PALS2: variants seen among roughly 807,000 people sequenced by gnomAD.
The protein encoded by PALS2 is protein PALS2.
A neutral mutation model predicts 61.6 loss-of-function variants in PALS2; 27 were observed. The ratio of observed to expected loss-of-function variants is 0.44; its 90% CI spans 0.32 to 0.60. PALS2 has a LOEUF of 0.60. PALS2 is among the 20% of genes least tolerant of loss of function. PALS2 has a pLI of 0.05. For synonymous variants in PALS2, 236 were observed against 218.6 expected, an observed-to-expected ratio of 1.08 and a Z score of -0.70; for missense variants, 554 against 639.4, an observed-to-expected ratio of 0.87 and a Z score of 1.44.
chr7:24,670,528 G>T (rs571129693), intron 9 of PALS2, among the ~76,000 whole-genome samples: 2 of 152,132 alleles, frequency 1.3e-5, no homozygotes, highest in Admixed American at 6.5e-5. Context: ...TTTTGCTGGG[G>T]TACATCCTCT....
intron 1 of PALS2, among the ~76,000 whole-genome samples, chr7:24,579,334 T>A (rs1214961892): frequency 6.6e-6 from 1 of 152,206 alleles, no homozygotes; most frequent in Non-Finnish European, 1.5e-5. Context: ...CAAAATCTGA[T>A]GTGGTTGAAA....
intron 9 of PALS2, among the ~76,000 whole-genome samples, chr7:24,676,613 C>T (rs193205018): frequency 6.6e-6 from 1 of 152,172 alleles, no homozygotes; most frequent in African/African-American, 2.4e-5. Flanking sequence ...GTGGTCCCAG[C>T]ACCATTTATT....
intron 2 of PALS2, among the ~76,000 whole-genome samples, chr7:24,634,087 ATGAAGTTG>A (rs145718691): frequency 0.063 from 9,610 of 152,214 alleles, 344 homozygotes; most frequent in African/African-American, 0.093. Flanking sequence ...TATTTTTATT[ATGAAGTTG>A]TGAGAGTCTT....
intron 1 of PALS2, among the ~76,000 whole-genome samples, chr7:24,589,730 T>C (rs968721641): frequency 6.6e-6 from 1 of 152,178 alleles, no homozygotes; most frequent in Non-Finnish European, 1.5e-5. Context: ...AAATTATTAA[T>C]GCTACATGAC....
intron 5 of PALS2, among the ~76,000 whole-genome samples, chr7:24,660,543 A>AC (rs1554310995): frequency 2.7e-5 from 4 of 150,770 alleles, no homozygotes; most frequent in African/African-American, 9.7e-5. Flanking sequence ...CCTATTGACA[A>AC]ACACACACAC....
rs1383269373 is a variant in PALS2 at position 24,663,725 on chromosome 7, A to C, written c.783+4A>C. 1.2e-6 allele frequency: 2 copies of C among 1,608,816 alleles called. No individual in the cohort carries two copies. Among genetic ancestry groups the C allele is most frequent in the Admixed American group, 3.3e-5 (2 of 59,798 alleles). On this transcript the variant is annotated splice_donor_region_variant and intron_variant, in intron 6 of 11. Coordinates refer to ENST00000222644, the MANE Select transcript of PALS2 (RefSeq NM_001303037.2). The stretch of plus-strand genomic sequence containing the variant: ...AGAAGATCCAAATTGGTGGCAGGTT[A>C]GTATGCTTCTCAGAAGTTCCTCAGC...
At chr7:24,583,357 A>G (rs986779850) in intron 1 of PALS2, among the ~76,000 whole-genome samples, 17 of 152,178 alleles carry the variant, frequency 1.1e-4, no homozygotes, top group African/African-American at 3.6e-4. Flanking sequence ...AATCCTTAGC[A>G]TTAAGCTCTT....
intron 2 of PALS2, among the ~76,000 whole-genome samples, chr7:24,626,151 A>C (rs1041852990): frequency 6.6e-6 from 1 of 152,206 alleles, no homozygotes; most frequent in South Asian, 2.1e-4. Flanking sequence ...TATTTTTAGA[A>C]AATCAGAATA....
At chr7:24,592,163 G>A (rs1380985922) in intron 1 of PALS2, among the ~76,000 whole-genome samples, 2 of 152,050 alleles carry the variant, frequency 1.3e-5, no homozygotes, top group Non-Finnish European at 1.5e-5. Context: ...TGTAAGTATC[G>A]ATTATTGGAT....
intron 1 of PALS2, among the ~76,000 whole-genome samples, chr7:24,605,008 T>C (rs1258424492): frequency 3.3e-5 from 5 of 152,198 alleles, no homozygotes; most frequent in African/African-American, 1.2e-4. Flanking sequence ...TGTGCCTCAT[T>C]TTTATAACGG....
rs775712539 is a variant in PALS2 at position 24,665,701 on chromosome 7, C to T, written c.883+14C>T. ...GGGACAATTCAGGTGATGAGCTCGA[C>T]ACAATAAGTAACAAGCAGTCCTTTG... On this transcript the variant is annotated intron_variant, in intron 7 of 11. Coordinates refer to ENST00000222644, the MANE Select transcript of PALS2 (RefSeq NM_001303037.2). 1 of 1,602,954 alleles carries T rather than the reference C, an allele frequency of 6.2e-7. No homozygotes were observed. The highest frequency in any genetic ancestry group is 8.5e-7 in the Non-Finnish European group (1 of 1,170,242).
At chr7:24,645,079 G>A (rs1299392917) in intron 3 of PALS2, among the ~76,000 whole-genome samples, 1 of 152,096 alleles carries the variant, frequency 6.6e-6, no homozygotes, top group African/African-American at 2.4e-5. Context: ...CTCACATTCT[G>A]TAGGCTCTTT....
chr7:24,664,187 T>C lies in PALS2; in HGVS notation c.783+466T>C, dbSNP rs1786894787. Among the ~76,000 whole-genome samples, 5 of 152,182 alleles carry C rather than the reference T, an allele frequency of 3.3e-5. No individual in the cohort carries two copies. The South Asian group carries it at 1.0e-3, about 32-fold the overall frequency. On this transcript the variant is annotated intron_variant, in intron 6 of 11. Coordinates refer to ENST00000222644, the MANE Select transcript of PALS2 (RefSeq NM_001303037.2). Reference sequence around the variant, plus strand: ...TTAATGTCTATTTGCTCCCCTCTTCTCAGATATTGGGAAATGGAGGTTCAC... The same window carrying C: ...TTAATGTCTATTTGCTCCCCTCTTCCCAGATATTGGGAAATGGAGGTTCAC...
chr7:24,675,480 T>C (rs1048335160), intron 9 of PALS2, among the ~76,000 whole-genome samples: 5 of 150,974 alleles, frequency 3.3e-5, no homozygotes, highest in Non-Finnish European at 7.4e-5. Context: ...CATGGTGGTG[T>C]GCTGCACCCA....
chr7:24,607,460 G>A (rs1783942328), intron 1 of PALS2, among the ~76,000 whole-genome samples: 1 of 150,498 alleles, frequency 6.6e-6, no homozygotes, highest in African/African-American at 2.4e-5. Flanking sequence ...TAATGTATGT[G>A]TATCTCTCTC....
chr7:24,659,675 T>G (rs1200178920), intron 5 of PALS2, among the ~76,000 whole-genome samples: 1 of 152,206 alleles, frequency 6.6e-6, no homozygotes, highest in East Asian at 1.9e-4. Flanking sequence ...GTTTTTCCAC[T>G]TGGCCTGGTG....
chr7:24,650,634 A>G lies in PALS2; in HGVS notation c.573A>G (p.Gln191=), dbSNP rs1335250998. 4 of 1,612,494 alleles carry G rather than the reference A, an allele frequency of 2.5e-6. No individual in the cohort carries two copies. The highest frequency in any genetic ancestry group is 2.5e-6 in the Non-Finnish European group (3 of 1,178,694). The part of the protein sequence containing the change: ...HEVGNNPKEL[Q]ELLKNISGSV... ...TTGGAAATAATCCAAAGGAATTACA[A>G]GAATTACTGAAAAATATTAGTGGAA... The change falls in exon 5 of 12, where the codon CAA becomes CAG. Residue 191 remains glutamine, a synonymous_variant. Transcript: ENST00000222644.
chr7:24,685,112 G>T (rs543050762), intron 11 of PALS2, among the ~76,000 whole-genome samples: 1 of 151,418 alleles, frequency 6.6e-6, no homozygotes, highest in African/African-American at 2.4e-5. Flanking sequence ...TCTCTTCCTC[G>T]TGCTCCCACC....
rs147478877 is a variant in PALS2 at position 24,687,247 on chromosome 7, G to T, written c.1447-191G>T. 3.3e-5 allele frequency among the ~76,000 whole-genome samples: 5 copies of T among 152,300 alleles called. No individual in the cohort carries two copies. The highest frequency in any genetic ancestry group is 7.4e-5 in the Non-Finnish European group (5 of 68,018). On this transcript the variant is annotated intron_variant, in intron 11 of 11. Coordinates refer to ENST00000222644, the MANE Select transcript of PALS2 (RefSeq NM_001303037.2). This position sits in a 1 kb window ranked among gnomAD's most constrained non-coding sequence, Gnocchi z 4.5. ...AATACTCATAAATGTAAACATGAGT[G>T]TTGTTGGAAAGAATAAGACATGAAC...
Sources: gnomAD v4.1 joint callset for allele counts (sites outside exome capture counted in the v4.1 genomes callset) on GRCh38, gnomAD v4.1.1 for gene constraint, Gnocchi (gnomAD v3.1) non-coding constraint, MANE v1.5 for transcripts, NCBI Gene and HGNC (gene_info 2026-07-23, HGNC 2026-07-21) for gene names.